CRIPT: variants seen among roughly 807,000 people sequenced by gnomAD.
The protein encoded by CRIPT is cysteine-rich PDZ-binding protein.
A neutral mutation model predicts 16.6 loss-of-function variants in CRIPT; 20 were observed. The observed-to-expected ratio is 1.20, with a 90% CI of 0.85 to 1.75. The LOEUF (loss-of-function observed/expected upper bound fraction) is 1.75. Among genes scored for constraint, CRIPT ranks in the 40% most tolerant of loss-of-function variants. The probability of loss-of-function intolerance (pLI) is 0.00; values close to 1 mark genes in which losing one functional copy is unlikely to be tolerated. For missense variants in CRIPT, 133 were observed against 115.3 expected (o/e 1.15, Z -0.70); for synonymous variants, 42 against 37.0 (o/e 1.14, Z -0.49).
Position 46,628,274 on chromosome 2 carries a change from G to A in CRIPT, c.*4047G>A, listed in dbSNP as rs1670990603. On this transcript the variant is annotated 3_prime_UTR_variant, in exon 5 of 5. Transcript: ENST00000238892. ...TACAGGAGCCCGCCAACCATGCCCA[G>A]CTAATTTATGTAATTTTAGTAGAGA... 6.6e-6 allele frequency among the ~76,000 whole-genome samples: 1 copy of A among 151,688 alleles called. No individual in the cohort carries two copies. The highest frequency in any genetic ancestry group is 2.1e-4 in the South Asian group (1 of 4,810).
chr2:46,625,147 C>T lies in CRIPT; in HGVS notation c.*920C>T. The stretch of plus-strand genomic sequence containing the variant: ...GAGTGCAGAGGTATCATCAGGCTCT[C>T]TGCAGCCTCCATCTGCTGGGCTCAA... On this transcript the variant is annotated 3_prime_UTR_variant, in exon 5 of 5. Transcript: ENST00000238892. 1 of 145,294 alleles carries T rather than the reference C, an allele frequency of 6.9e-6. No homozygotes were observed. Among genetic ancestry groups the T allele is most frequent in the Non-Finnish European group, 1.5e-5 (1 of 67,318 alleles). The allele number at this position is 145,294 out of a possible 1,614,324, so 9.0% of individuals were successfully genotyped here.
At chr2:46,620,771 C>G (rs887024599) in intron 3 of CRIPT, among the ~76,000 whole-genome samples, 2 of 149,990 alleles carry the variant, frequency 1.3e-5, no homozygotes, top group Middle Eastern at 3.5e-3. Context: ...ATACCTCTGG[C>G]CTGACTTCTC....
In CRIPT at chr2:46,625,483, TA is replaced by T. The variant is rs1670917056; in HGVS notation, c.*1257del. 6.8e-6 allele frequency: 1 copy of T among 146,692 alleles called. No homozygotes were observed. Among genetic ancestry groups the T allele is most frequent in the African/African-American group, 2.5e-5 (1 of 40,114 alleles). The allele number at this position is 146,692 out of a possible 1,614,324, so 9.1% of individuals were successfully genotyped here. Reference sequence around the variant, plus strand: ...ACTTCTGCTTTTAAAACCTGCAGCCTACCGTGGGAAACCAAAAAAGCATTCC... The same window carrying T: ...ACTTCTGCTTTTAAAACCTGCAGCCTCCGTGGGAAACCAAAAAAGCATTCC... On this transcript the variant is annotated 3_prime_UTR_variant, in exon 5 of 5. Coordinates refer to ENST00000238892, the MANE Select transcript of CRIPT (RefSeq NM_014171.6).
At chr2:46,624,049 TTTC>T (rs1018545807) in intron 4 of CRIPT, 111 bp from the exon 5 acceptor site, 3 of 470,772 alleles carry the variant, frequency 6.4e-6, no homozygotes, top group African/African-American at 2.1e-5. Context: ...ATATTTTTTT[TTTC>T]TTTTCTTTTC....
In CRIPT at chr2:46,627,414, T is replaced by G. The variant is rs1010594516; in HGVS notation, c.*3187T>G. 1.3e-5 allele frequency among the ~76,000 whole-genome samples: 2 copies of G among 152,090 alleles called. No individual in the cohort carries two copies. The highest frequency in any genetic ancestry group is 4.8e-5 in the African/African-American group (2 of 41,416). ...TTTCGTAGGTTTTCTTCTAGGACTCTTATAGCTTGAAGTCTTACATTTAAA... is the reference window on the plus strand; with the variant it reads ...TTTCGTAGGTTTTCTTCTAGGACTCGTATAGCTTGAAGTCTTACATTTAAA... On this transcript the variant is annotated 3_prime_UTR_variant, in exon 5 of 5. Coordinates refer to ENST00000238892, the MANE Select transcript of CRIPT (RefSeq NM_014171.6).
Position 46,626,173 on chromosome 2 carries a change from A to G in CRIPT, c.*1946A>G, listed in dbSNP as rs933305387. ...TACCCATTGCTTAGTTCCCACTGAT[A>G]AGTGAGAACATGCGGTCTTTGGTTT... On this transcript the variant is annotated 3_prime_UTR_variant, in exon 5 of 5. Transcript: ENST00000238892. 2.0e-5 allele frequency among the ~76,000 whole-genome samples: 3 copies of G among 152,142 alleles called. No homozygotes were observed. Among genetic ancestry groups the G allele is most frequent in the African/African-American group, 7.2e-5 (3 of 41,430 alleles).
Position 46,625,930 on chromosome 2 carries a change from G to T in CRIPT, c.*1703G>T, listed in dbSNP as rs772506481. ...TAACTCACATTTCATTTTTTTTGTT[G>T]TTGTTGTTGTTTTTATAATTTCAAC... On this transcript the variant is annotated 3_prime_UTR_variant, in exon 5 of 5. Transcript: ENST00000238892. Among the ~76,000 whole-genome samples, 53 of 151,932 alleles carry T rather than the reference G, an allele frequency of 3.5e-4. 1 individual carries two copies. Among genetic ancestry groups the T allele is most frequent in the Admixed American group, 3.3e-3 (50 of 15,256 alleles).
In CRIPT at chr2:46,626,677, T is replaced by C. The variant is rs143073847; in HGVS notation, c.*2450T>C. On this transcript the variant is annotated 3_prime_UTR_variant, in exon 5 of 5. Transcript: ENST00000238892. ...ATAGCCATTCTGACTGGTGTGAGATTGTAACTCATTGTGGTTTTGATTTGC... is the reference window on the plus strand; with the variant it reads ...ATAGCCATTCTGACTGGTGTGAGATCGTAACTCATTGTGGTTTTGATTTGC... 0.013 allele frequency among the ~76,000 whole-genome samples: 1,965 copies of C among 152,278 alleles called. 50 individuals carry two copies. Among genetic ancestry groups the C allele is most frequent in the African/African-American group, 0.045 (1,865 of 41,564 alleles).
In CRIPT at chr2:46,626,974, A is replaced by G. The variant is rs535922727; in HGVS notation, c.*2747A>G. Reference sequence around the variant, plus strand: ...CAGCCTCCTGAGTTGCTGGGATTACAGGTGCCTGCCACCAAGCGTGGCTAA... The same window carrying G: ...CAGCCTCCTGAGTTGCTGGGATTACGGGTGCCTGCCACCAAGCGTGGCTAA... On this transcript the variant is annotated 3_prime_UTR_variant, in exon 5 of 5. Coordinates refer to ENST00000238892, the MANE Select transcript of CRIPT (RefSeq NM_014171.6). Among the ~76,000 whole-genome samples, 3 of 151,978 alleles carry G rather than the reference A, an allele frequency of 2.0e-5. No homozygotes were observed. The highest frequency in any genetic ancestry group is 4.4e-5 in the Non-Finnish European group (3 of 67,988).
At chr2:46,618,612 A>T (rs894430927) in intron 1 of CRIPT, among the ~76,000 whole-genome samples, 161 bp from the exon 2 acceptor site, 6 of 152,354 alleles carry the variant, frequency 3.9e-5, no homozygotes, top group Admixed American at 1.3e-4. Flanking sequence ...TTCATTGGCC[A>T]CAGTTAATAT....
At position 46,625,674 on chromosome 2, in the gene CRIPT, G is replaced by T. The variant is rs1422390807; in HGVS notation, c.*1447G>T. ...AAAATGTGTTTTTCTGAGATACATTGTTATTTATTCATATCCAGAAAAATT... is the reference window on the plus strand; with the variant it reads ...AAAATGTGTTTTTCTGAGATACATTTTTATTTATTCATATCCAGAAAAATT... On this transcript the variant is annotated 3_prime_UTR_variant, in exon 5 of 5. Transcript: ENST00000238892. 3 of 151,948 alleles carry T rather than the reference G, an allele frequency of 2.0e-5. No individual in the cohort carries two copies. The highest frequency in any genetic ancestry group is 7.3e-5 in the African/African-American group (3 of 41,352). The allele number at this position is 151,948 out of a possible 1,614,324, so 9.4% of individuals were successfully genotyped here. A position where few individuals can be genotyped will look rare whatever the true frequency, so the allele number is the denominator to read the frequency against.
chr2:46,622,876 C>G (rs1439041563), intron 3 of CRIPT, among the ~76,000 whole-genome samples: 3 of 151,100 alleles, frequency 2.0e-5, no homozygotes, highest in Non-Finnish European at 2.9e-5. Flanking sequence ...GGCTGTTGTA[C>G]TATACCCAAG....
rs1296265357 is a variant in CRIPT, at chr2:46,626,807, G to A, written c.*2580G>A. On this transcript the variant is annotated 3_prime_UTR_variant, in exon 5 of 5. Transcript: ENST00000238892. ...AAGTCTTTTGGCATTTTTTTAATGG[G>A]TTTTTGTTTGTGTGTGTGTATTTTT... is the stretch of plus-strand genomic sequence containing the variant. Among the ~76,000 whole-genome samples, 1 of 151,702 alleles carries A rather than the reference G, an allele frequency of 6.6e-6. No individual in the cohort carries two copies. Among genetic ancestry groups the A allele is most frequent in the Non-Finnish European group, 1.5e-5 (1 of 67,896 alleles).
chr2:46,619,159 G>A (rs7563577), intron 2 of CRIPT, among the ~76,000 whole-genome samples: 25,294 of 152,006 alleles, frequency 0.17, 3,436 homozygotes, highest in African/African-American at 0.38. Context: ...CTTCTGAGGA[G>A]AAATTTTTTT....
chr2:46,623,685 T>G, intron 3 of CRIPT, 79 bp from the exon 4 acceptor site: 1 of 736,510 alleles, frequency 1.4e-6, no homozygotes. Flanking sequence ...GGATTAATCC[T>G]GTGTGTTGCG....
chr2:46,618,894 C>G lies in CRIPT; in HGVS notation c.82+56C>G, dbSNP rs146957186. Reference sequence around the variant, plus strand: ...ACCGAATACTTACTGTGAATAATACCTTAGTTTTTACATTATTTGTACAAT... The same window carrying G: ...ACCGAATACTTACTGTGAATAATACGTTAGTTTTTACATTATTTGTACAAT... On this transcript the variant is annotated intron_variant, in intron 2 of 4. Transcript: ENST00000238892. 488 of 1,059,384 alleles carry G rather than the reference C, an allele frequency of 4.6e-4. 9 individuals are homozygous for G. In the East Asian group the frequency reaches 0.012, roughly 25 times the overall value. 65.6% of individuals were successfully genotyped at this position (1,059,384 alleles called of 1,614,324 possible). A position where few individuals can be genotyped will look rare whatever the true frequency, so the allele number is the denominator to read the frequency against.
chr2:46,620,424 G>A (rs950336023), intron 3 of CRIPT, among the ~76,000 whole-genome samples: 3 of 140,410 alleles, frequency 2.1e-5, no homozygotes, highest in Admixed American at 6.8e-5. Flanking sequence ...CTCCAGCCTG[G>A]GTTGACAGAG....
rs1383963798 is a variant in CRIPT at position 46,626,480 on chromosome 2, GTTCTGTTTTAAC to G, written c.*2258_*2269del. On this transcript the variant is annotated 3_prime_UTR_variant, in exon 5 of 5. Transcript: ENST00000238892. ...CATGGGATTGCTGGTTCAAATGGTA[GTTCTGTTTTAAC>G]TTCTTTGAGAAATCTCCAAACTGCT... Among the ~76,000 whole-genome samples the G allele has an allele frequency of 3.9e-5, 6 of 152,134 alleles. No individual in the cohort carries two copies. The highest frequency in any genetic ancestry group is 8.8e-5 in the Non-Finnish European group (6 of 68,020).
At chr2:46,618,883 G>T in intron 2 of CRIPT, 45 bp downstream of exon 2, 1 of 1,142,850 alleles carries the variant, frequency 8.8e-7, no homozygotes, top group Non-Finnish European at 1.3e-6. Context: ...AATACTTACT[G>T]TGAATAATAC....
Sources: gnomAD v4.1 joint callset for allele counts (sites outside exome capture counted in the v4.1 genomes callset) on GRCh38, gnomAD v4.1.1 for gene constraint, MANE v1.5 for transcripts, NCBI Gene and HGNC (gene_info 2026-07-23, HGNC 2026-07-21) for gene names.